The following KCNA6 variants were observed in gnomAD, a reference collection of about 807,000 sequenced individuals.
The protein encoded by KCNA6 is human brain potassium channel-2.
Under a neutral mutation model 29.5 loss-of-function variants are expected in KCNA6, and 17 were observed. The observed-to-expected ratio is 0.58, with a 90% CI of 0.39 to 0.86. KCNA6 has a LOEUF of 0.86. Ranked by LOEUF, KCNA6 falls within the 40% of genes least tolerant of loss-of-function variation. The probability of loss-of-function intolerance (pLI) is 0.00; values close to 1 mark genes in which losing one functional copy is unlikely to be tolerated. For missense variants in KCNA6, 450 were observed against 703.4 expected, an observed-to-expected ratio of 0.64 and a Z score of 4.07; for synonymous variants, 296 against 304.7, an observed-to-expected ratio of 0.97 and a Z score of 0.30.
the KCNA6 span, among the ~76,000 whole-genome samples, chr12:4,833,437 G>C: frequency 6.6e-6 from 1 of 152,096 alleles, no homozygotes; most frequent in East Asian, 1.9e-4. Flanking sequence ...TATCCCTCTT[G>C]AGACGAGATT....
the KCNA6 span, among the ~76,000 whole-genome samples, chr12:4,835,949 T>G: frequency 6.6e-6 from 1 of 151,388 alleles, no homozygotes; most frequent in African/African-American, 2.4e-5. Flanking sequence ...TTTTTTTTTT[T>G]TTTTTTTTTG....
At chr12:4,850,898 C>A in the KCNA6 span, 2 of 428,940 alleles carry the variant, frequency 4.7e-6, no homozygotes, top group Admixed American at 2.7e-5. This position sits in a 1 kb window ranked among gnomAD's most constrained non-coding sequence, Gnocchi z 5.4. Flanking sequence ...AGCAACCAAG[C>A]CAGAAAAAGT....
the KCNA6 span, among the ~76,000 whole-genome samples, chr12:4,835,588 G>T: frequency 1.3e-5 from 2 of 151,190 alleles, no homozygotes; most frequent in Non-Finnish European, 2.9e-5. Context: ...CTAACTATGC[G>T]CTTAGAAGTT....
the KCNA6 span, among the ~76,000 whole-genome samples, chr12:4,819,172 C>T: frequency 2.4e-4 from 36 of 152,218 alleles, no homozygotes; most frequent in Non-Finnish European, 4.7e-4. Flanking sequence ...ATACGTGGAA[C>T]ATCTTTCTAT....
chr12:4,847,796 G>A, the KCNA6 span, among the ~76,000 whole-genome samples: 1 of 152,128 alleles, frequency 6.6e-6, no homozygotes, highest in African/African-American at 2.4e-5. Context: ...GAAGCTTACT[G>A]GAATCTCTGT....
Position 4,810,731 on chromosome 12 carries a change from T to G in KCNA6, c.690T>G (p.Asp230Glu). 1 of 1,611,982 alleles carries G rather than the reference T, an allele frequency of 6.2e-7. No homozygotes were observed. The highest frequency in any genetic ancestry group is 1.1e-5 in the South Asian group (1 of 90,620). ...AGGAGGAAGAGGAGGATGAAGACGA[T>G]TCCTACACATTTCATCATGGCATCA... The change falls in exon 1 of 1, where the codon GAT becomes GAG. Residue 230 changes from aspartate to glutamate, a missense_variant. Around this residue, in one of 7 missense-constraint regions of KCNA6, gnomAD observed 74 missense variants for 71.5 expected, o/e 1.03. Transcript: ENST00000280684. This position sits in a 1 kb window ranked among gnomAD's most constrained non-coding sequence, Gnocchi z 7.5.
chr12:4,810,776 C>G lies in KCNA6; in HGVS notation c.735C>G (p.Thr245=), dbSNP rs771951583. The stretch of plus-strand genomic sequence containing the variant: ...GCATCACCCCTGGGGAAATGGGGAC[C>G]GGGGGCTCCTCCTCACTCAGTACTC... The change falls in exon 1 of 1, where the codon ACC becomes ACG. Residue 245 remains threonine (T), a synonymous_variant. Coordinates refer to ENST00000280684, the Ensembl canonical transcript of KCNA6. The surrounding 1 kb of genome is among the most constrained non-coding windows in gnomAD (Gnocchi z 7.5). The G allele has an allele frequency of 2.5e-6, 4 of 1,595,936 alleles. No homozygotes were observed. The highest frequency in any genetic ancestry group is 2.7e-5 in the African/African-American group (2 of 74,516).
At chr12:4,846,800 A>C in the KCNA6 span, among the ~76,000 whole-genome samples, 2 of 119,090 alleles carry the variant, frequency 1.7e-5, no homozygotes, top group Non-Finnish European at 3.3e-5. Flanking sequence ...TTAATTTGAG[A>C]CGGAGTCTCG....
At chr12:4,836,736 T>C in the KCNA6 span, among the ~76,000 whole-genome samples, 1 of 152,166 alleles carries the variant, frequency 6.6e-6, no homozygotes, top group South Asian at 2.1e-4. Flanking sequence ...CATTTAGGAA[T>C]GATGCCTCCG....
At chr12:4,841,802 A>C in the KCNA6 span, among the ~76,000 whole-genome samples, 1 of 152,158 alleles carries the variant, frequency 6.6e-6, no homozygotes, top group Non-Finnish European at 1.5e-5. Flanking sequence ...AAAACATGCG[A>C]TCTCCAAGTT....
downstream of KCNA6, among the ~76,000 whole-genome samples, chr12:4,816,288 G>C (rs890309032): frequency 2.1e-5 from 3 of 141,126 alleles, no homozygotes; most frequent in African/African-American, 5.2e-5. Context: ...GTGTGTGTGT[G>C]TGTGTGTGTC....
chr12:4,833,853 A>G, the KCNA6 span, among the ~76,000 whole-genome samples: 40 of 151,750 alleles, frequency 2.6e-4, no homozygotes, highest in African/African-American at 9.4e-4. Flanking sequence ...ATTAACTTAG[A>G]GTCATCCCTA....
At chr12:4,847,280 T>C in the KCNA6 span, among the ~76,000 whole-genome samples, 3 of 152,304 alleles carry the variant, frequency 2.0e-5, 1 homozygote, top group African/African-American at 7.2e-5. Flanking sequence ...TCTTTATCCA[T>C]TTTCTTGAGT....
chr12:4,838,406 C>CT, the KCNA6 span, among the ~76,000 whole-genome samples: 9 of 152,210 alleles, frequency 5.9e-5, no homozygotes, highest in African/African-American at 2.2e-4. Flanking sequence ...CTTACACACA[C>CT]TGGGGGCTAC....
the KCNA6 span, among the ~76,000 whole-genome samples, chr12:4,821,253 G>A: frequency 1.3e-5 from 2 of 152,320 alleles, no homozygotes; most frequent in East Asian, 1.9e-4. Context: ...TGGCATTGGT[G>A]GAAAGAGAAA....
At position 4,810,193 on chromosome 12, in the gene KCNA6, G is replaced by A. The variant is rs146781398; in HGVS notation, c.152G>A (p.Arg51His). The A allele has an allele frequency of 1.7e-4, 278 of 1,613,092 alleles. No individual in the cohort carries two copies. Among genetic ancestry groups the A allele is most frequent in the Non-Finnish European group, 2.2e-4 (263 of 1,179,892 alleles). ...CTGGTGATCAATATCTCCGGGCTGCGCTTTGAGACACAATTGCGCACCCTG... is the reference window on the plus strand; with the variant it reads ...CTGGTGATCAATATCTCCGGGCTGCACTTTGAGACACAATTGCGCACCCTG... Residue 51 changes from arginine to histidine, a missense_variant, in exon 1 of 1, where the codon CGC (arginine) becomes CAC (histidine). Arg to His is a conservative substitution (Grantham distance 29). This residue lies in a region of KCNA6 where 133 missense variants were observed against 217.5 expected (regional missense o/e 0.61). Transcript: ENST00000280684. This position sits in a 1 kb window ranked among gnomAD's most constrained non-coding sequence, Gnocchi z 7.5.
the KCNA6 span, among the ~76,000 whole-genome samples, chr12:4,835,946 T>TGA: frequency 2.7e-5 from 4 of 150,402 alleles, no homozygotes; most frequent in South Asian, 8.4e-4. Context: ...TTTTTTTTTT[T>TGA]TTTTTTTTTT....
the KCNA6 span, among the ~76,000 whole-genome samples, chr12:4,831,735 AAAT>A: frequency 6.6e-6 from 1 of 152,190 alleles, no homozygotes; most frequent in East Asian, 1.9e-4. Flanking sequence ...GAGCTTCTGA[AAAT>A]AATCTCTTAT....
chr12:4,835,961 C>T, the KCNA6 span, among the ~76,000 whole-genome samples: 2 of 126,514 alleles, frequency 1.6e-5, no homozygotes, highest in African/African-American at 3.0e-5. Context: ...TTTTTTTTGA[C>T]GGAGTTTCGC....
Sources: allele counts gnomAD v4.1 joint callset (sites outside exome capture counted in the v4.1 genomes callset), GRCh38; gene constraint gnomAD v4.1.1; regional missense constraint gnomAD v4.1.1; non-coding constraint Gnocchi (gnomAD v3.1); transcripts MANE v1.5; gene names NCBI Gene and HGNC (gene_info 2026-07-23, HGNC 2026-07-21).